GRIN2A: variants seen among roughly 807,000 people sequenced by gnomAD.
GRIN2A encodes the protein glutamate ionotropic receptor NMDA type subunit 2A.
GRIN2A carries 22 observed loss-of-function variants against 113.4 expected under a neutral mutation model. That is an observed-to-expected ratio of 0.19 (90% CI 0.14 to 0.28). The LOEUF (loss-of-function observed/expected upper bound fraction) is 0.28, where lower values mean the gene tolerates loss of function less well. Ranked by LOEUF, GRIN2A falls within the 10% of genes least tolerant of loss-of-function variation. The pLI is 1.00. For missense variants in GRIN2A, 1,502 were observed against 1,887.0 expected, an observed-to-expected ratio of 0.80 and a Z score of 3.78; for synonymous variants, 827 against 738.4, an observed-to-expected ratio of 1.12 and a Z score of -1.94.
At chr16:9,813,272 G>A (rs2042120795) in intron 10 of GRIN2A, among the ~76,000 whole-genome samples, 1 of 152,140 alleles carries the variant, frequency 6.6e-6, no homozygotes, top group African/African-American at 2.4e-5. Flanking sequence ...ATTGAGAAAA[G>A]CAAAACAAAT....
chr16:9,924,105 G>A (rs2044407843), intron 3 of GRIN2A, among the ~76,000 whole-genome samples: 2 of 132,824 alleles, frequency 1.5e-5, no homozygotes, highest in Non-Finnish European at 3.1e-5. Flanking sequence ...AGTGAGACTT[G>A]GTCTCAAAAA....
At chr16:10,112,374 A>T in intron 2 of GRIN2A, 1 of 672,616 alleles carries the variant, frequency 1.5e-6, no homozygotes, top group Non-Finnish European at 2.7e-6. Context: ...TATCTGCATC[A>T]CCCAGGAAGT....
intron 3 of GRIN2A, among the ~76,000 whole-genome samples, chr16:9,915,681 T>C (rs1459598102): frequency 6.6e-6 from 1 of 152,126 alleles, no homozygotes; most frequent in East Asian, 1.9e-4. Flanking sequence ...TCAATGGAGG[T>C]AGTTTAGGTG....
At chr16:10,177,187 T>G (rs1206237237) in intron 2 of GRIN2A, among the ~76,000 whole-genome samples, 5 of 152,220 alleles carry the variant, frequency 3.3e-5, no homozygotes, top group Non-Finnish European at 7.3e-5. Context: ...GCACAAGCCA[T>G]CTATATATGT....
chr16:10,022,126 A>T (rs980485209), intron 2 of GRIN2A, among the ~76,000 whole-genome samples: 2 of 147,054 alleles, frequency 1.4e-5, no homozygotes. Context: ...TTTTACTGTG[A>T]TTATGAGGCA....
chr16:9,920,613 C>G (rs559966234), intron 3 of GRIN2A, among the ~76,000 whole-genome samples: 7 of 150,412 alleles, frequency 4.7e-5, no homozygotes, highest in African/African-American at 1.7e-4. Context: ...TGTCACCAAG[C>G]TGGAGTGCAG....
intron 3 of GRIN2A, among the ~76,000 whole-genome samples, chr16:9,904,465 G>A (rs867788496): frequency 2.6e-5 from 4 of 152,194 alleles, no homozygotes; most frequent in East Asian, 1.9e-4. Context: ...TCCACCTCCC[G>A]GGTTCAAGCA....
intron 2 of GRIN2A, among the ~76,000 whole-genome samples, chr16:9,995,413 C>T (rs1272613274): frequency 6.6e-6 from 1 of 152,020 alleles, no homozygotes; most frequent in Non-Finnish European, 1.5e-5. Flanking sequence ...AGCATTAATC[C>T]CCTCAGGTTT....
intron 2 of GRIN2A, among the ~76,000 whole-genome samples, chr16:10,114,844 G>A (rs1228127954): frequency 1.3e-5 from 2 of 152,218 alleles, no homozygotes; most frequent in Admixed American, 1.3e-4. Flanking sequence ...CGCCCCCGAT[G>A]TGCCAGGTCT....
At chr16:10,112,856 G>A in intron 2 of GRIN2A, 3 of 556,084 alleles carry the variant, frequency 5.4e-6, no homozygotes, top group Admixed American at 2.1e-5. Flanking sequence ...TCCATGGCCT[G>A]CACGCTTACC....
At chr16:9,958,191 G>T (rs2045349283) in intron 2 of GRIN2A, among the ~76,000 whole-genome samples, 1 of 152,156 alleles carries the variant, frequency 6.6e-6, no homozygotes, top group African/African-American at 2.4e-5. Flanking sequence ...AAAGCATCTG[G>T]CATGCAATTA....
rs918431108 is a variant in GRIN2A, at chr16:9,807,023, T to C, written c.2169-8559A>G. Among the ~76,000 whole-genome samples the C allele has an allele frequency of 8.6e-5, 13 of 151,544 alleles. No homozygotes were observed. In the East Asian group the frequency reaches 2.6e-3, roughly 30 times the overall value. ...AGAAGAGTTTTCCTCTTTTACTTGG[T>C]TCTCATTCTCTCTTGCCTGCCACCA... On this transcript the variant is annotated intron_variant, in intron 10 of 12. Coordinates refer to ENST00000330684, the MANE Select transcript of GRIN2A (RefSeq NM_001134407.3).
intron 2 of GRIN2A, among the ~76,000 whole-genome samples, chr16:10,094,820 G>C (rs2048254549): frequency 7.0e-6 from 1 of 143,052 alleles, no homozygotes; most frequent in African/African-American, 2.6e-5. Context: ...CAGGGTTGAA[G>C]CAGGAAAAGT....
At chr16:10,012,830 G>T (rs542730418) in intron 2 of GRIN2A, among the ~76,000 whole-genome samples, 1 of 152,202 alleles carries the variant, frequency 6.6e-6, no homozygotes, top group African/African-American at 2.4e-5. Context: ...CTTGATTTTA[G>T]CTCCATGAGA....
At chr16:9,844,753 C>G (rs1367614148) in intron 5 of GRIN2A, among the ~76,000 whole-genome samples, 1 of 152,168 alleles carries the variant, frequency 6.6e-6, no homozygotes, top group East Asian at 1.9e-4. Context: ...AATAAATTTC[C>G]TTTCTTCCCA....
At chr16:9,910,903 G>A (rs1379851911) in intron 3 of GRIN2A, among the ~76,000 whole-genome samples, 1 of 151,718 alleles carries the variant, frequency 6.6e-6, no homozygotes, top group Non-Finnish European at 1.5e-5. Flanking sequence ...GCAGATAGGT[G>A]GGCCTATTTT....
At chr16:10,059,120 G>C (rs1241622432) in intron 2 of GRIN2A, among the ~76,000 whole-genome samples, 1 of 152,168 alleles carries the variant, frequency 6.6e-6, no homozygotes, top group Non-Finnish European at 1.5e-5. Flanking sequence ...TGTTGCTGGA[G>C]TGAACATAGC....
intron 2 of GRIN2A, among the ~76,000 whole-genome samples, chr16:10,143,372 A>G (rs1237587388): frequency 1.3e-5 from 2 of 152,212 alleles, no homozygotes; most frequent in Non-Finnish European, 2.9e-5. Context: ...AAAATTCAGG[A>G]GCCATTCTAC....
chr16:9,869,980 A>C (rs1442995624), intron 4 of GRIN2A, among the ~76,000 whole-genome samples: 4 of 152,228 alleles, frequency 2.6e-5, no homozygotes, highest in Non-Finnish European at 5.9e-5. Flanking sequence ...CCAAAATTCC[A>C]GGCCTAGGGC....
Sources: allele counts gnomAD v4.1 joint callset (sites outside exome capture counted in the v4.1 genomes callset), GRCh38; gene constraint gnomAD v4.1.1; transcripts MANE v1.5; gene names NCBI Gene and HGNC (gene_info 2026-07-23, HGNC 2026-07-21).